Variants in GPR63 observed in about 807,000 individuals in gnomAD.
The protein encoded by GPR63 is G protein-coupled receptor 63.
A neutral mutation model predicts 23.1 loss-of-function variants in GPR63; 12 were observed. That is an observed-to-expected ratio of 0.52 (90% CI 0.33 to 0.84). The LOEUF is 0.84. GPR63 is among the 40% of genes least tolerant of loss of function. The pLI, the probability that GPR63 is intolerant of heterozygous loss-of-function variation, is 0.02. For synonymous variants in GPR63, 172 were observed against 191.1 expected (o/e 0.90, Z 0.82); for missense variants, 472 against 515.6 (o/e 0.92, Z 0.82).
intron 1 of GPR63, among the ~76,000 whole-genome samples, chr6:96,825,256 T>C (rs946824509): frequency 1.3e-5 from 2 of 152,122 alleles, no homozygotes; most frequent in Non-Finnish European, 2.9e-5. Context: ...GTTTGTATAA[T>C]AGGTAATGAA....
In GPR63 at chr6:96,799,090, G is replaced by A. The variant is rs548698643; in HGVS notation, c.642C>T (p.Ala214=). The A allele has an allele frequency of 4.8e-5, 78 of 1,613,976 alleles. No homozygotes were observed. The highest frequency in any genetic ancestry group is 6.7e-5 in the African/African-American group (5 of 74,894). ...ATSFCVAFPL[A]VGNPDLQIPS... ...GTATCTGCAGGTCGGGGTTTCCTAC[G>A]GCTAAAGGAAAAGCTACACAAAAGG... is the stretch of plus-strand genomic sequence containing the variant. The change falls in exon 2 of 2, where the codon GCC becomes GCT. Residue 214 remains alanine, a synonymous_variant. Coordinates refer to ENST00000229955, the MANE Select transcript of GPR63 (RefSeq NM_030784.4).
At chr6:96,829,804 C>T (rs1774533453) in intron 1 of GPR63, among the ~76,000 whole-genome samples, 1 of 151,976 alleles carries the variant, frequency 6.6e-6, no homozygotes, top group African/African-American at 2.4e-5. Flanking sequence ...GAGCTAAGCA[C>T]TCAACCTAAA....
intron 1 of GPR63, among the ~76,000 whole-genome samples, chr6:96,810,679 T>C (rs534916325): frequency 1.3e-5 from 2 of 151,976 alleles, no homozygotes; most frequent in African/African-American, 4.8e-5. Context: ...CCCATTGTTA[T>C]GTATGTATGT....
intron 1 of GPR63, among the ~76,000 whole-genome samples, chr6:96,832,085 CT>C (rs1303534232): frequency 6.6e-6 from 1 of 151,398 alleles, no homozygotes; most frequent in Non-Finnish European, 1.5e-5. Context: ...AGTGGTTCAT[CT>C]TTACACGAAA....
chr6:96,801,190 C>T (rs1338796987), intron 1 of GPR63, among the ~76,000 whole-genome samples: 1 of 151,106 alleles, frequency 6.6e-6, no homozygotes, highest in Admixed American at 6.6e-5. Flanking sequence ...CTCATTATTT[C>T]GACTTAGAAT....
At chr6:96,836,477 A>G (rs1052748866) in intron 1 of GPR63, among the ~76,000 whole-genome samples, 1 of 152,150 alleles carries the variant, frequency 6.6e-6, no homozygotes, top group Non-Finnish European at 1.5e-5. Flanking sequence ...AAAAACCTGC[A>G]TGCTACTATA....
chr6:96,810,101 G>A (rs957242489), intron 1 of GPR63, among the ~76,000 whole-genome samples: 1 of 152,086 alleles, frequency 6.6e-6, no homozygotes, highest in African/African-American at 2.4e-5. Flanking sequence ...AGAATTCTAC[G>A]TGATAAAAAC....
At chr6:96,800,217 C>T (rs541215524) in intron 1 of GPR63, among the ~76,000 whole-genome samples, 1 of 152,094 alleles carries the variant, frequency 6.6e-6, no homozygotes, top group Non-Finnish European at 1.5e-5. Flanking sequence ...TTTTAATTTT[C>T]ATGCTTTGCT....
At chr6:96,833,951 A>G (rs1774656227) in intron 1 of GPR63, among the ~76,000 whole-genome samples, 1 of 152,118 alleles carries the variant, frequency 6.6e-6, no homozygotes, top group African/African-American at 2.4e-5. Context: ...CAAATATACC[A>G]TCTATTCCCC....
chr6:96,829,451 G>A (rs1188170818), intron 1 of GPR63, among the ~76,000 whole-genome samples: 2 of 152,182 alleles, frequency 1.3e-5, no homozygotes, highest in East Asian at 1.9e-4. Flanking sequence ...CCCACACTTT[G>A]AGAAGCTAAA....
intron 1 of GPR63, among the ~76,000 whole-genome samples, chr6:96,824,016 T>A (rs963453282): frequency 6.6e-6 from 1 of 151,178 alleles, no homozygotes; most frequent in Admixed American, 6.6e-5. Context: ...TGTACATGTT[T>A]TCTTATAACA....
intron 1 of GPR63, among the ~76,000 whole-genome samples, chr6:96,822,520 T>G (rs1774339787): frequency 1.3e-5 from 2 of 152,224 alleles, no homozygotes; most frequent in South Asian, 4.1e-4. Context: ...TTACCTTCAC[T>G]TGCCATCTTT....
intron 1 of GPR63, among the ~76,000 whole-genome samples, chr6:96,810,461 C>G (rs1447915995): frequency 1.3e-5 from 2 of 150,540 alleles, no homozygotes. Context: ...TGCCACTGCA[C>G]TCCAGCGCAG....
chr6:96,823,605 G>A (rs1562124096), intron 1 of GPR63, among the ~76,000 whole-genome samples: 2 of 152,058 alleles, frequency 1.3e-5, no homozygotes, highest in Non-Finnish European at 2.9e-5. Context: ...AATAAATTTA[G>A]TGTTACCTAG....
In GPR63 at chr6:96,808,005, G is replaced by A. The variant is rs140647431; in HGVS notation, c.-150-8124C>T. 2.3e-3 allele frequency among the ~76,000 whole-genome samples: 355 copies of A among 152,258 alleles called. 2 individuals are homozygous for A. The highest frequency in any genetic ancestry group is 8.0e-3 in the African/African-American group (334 of 41,548). The stretch of plus-strand genomic sequence containing the variant: ...CAGGAAGTGTGTTCTTAGCCACTAC[G>A]CTATGCTGTAAAACAGAGAATACAA... On this transcript the variant is annotated intron_variant, in intron 1 of 1. Transcript: ENST00000229955.
rs1226123338 is a variant in GPR63 at position 96,796,627 on chromosome 6, G to C, written c.*1845C>G. Reference sequence around the variant, plus strand: ...AAAACTTGTTCTAGGCTCAGACGAGGGTTCATTTTCCCTTCTTTGTAGGAG... The same window carrying C: ...AAAACTTGTTCTAGGCTCAGACGAGCGTTCATTTTCCCTTCTTTGTAGGAG... On this transcript the variant is annotated 3_prime_UTR_variant, in exon 2 of 2. Coordinates refer to ENST00000229955, the MANE Select transcript of GPR63 (RefSeq NM_030784.4). The C allele has an allele frequency of 6.6e-6, 1 of 152,170 alleles. No individual in the cohort carries two copies. Among genetic ancestry groups the C allele is most frequent in the Non-Finnish European group, 1.5e-5 (1 of 68,036 alleles). The allele number at this position is 152,170 out of a possible 1,614,324, so 9.4% of individuals were successfully genotyped here.
chr6:96,805,591 A>T (rs1034804168), intron 1 of GPR63, among the ~76,000 whole-genome samples: 2 of 152,206 alleles, frequency 1.3e-5, no homozygotes, highest in Non-Finnish European at 2.9e-5. Flanking sequence ...CACTCATCCC[A>T]GAACTCATGC....
At chr6:96,808,856 T>TG (rs1773967890) in intron 1 of GPR63, among the ~76,000 whole-genome samples, 1 of 152,140 alleles carries the variant, frequency 6.6e-6, no homozygotes, top group Admixed American at 6.6e-5. Context: ...ACATGTGCCA[T>TG]GCTGGTGTGC....
intron 1 of GPR63, among the ~76,000 whole-genome samples, chr6:96,811,646 T>A (rs926965671): frequency 6.6e-6 from 1 of 152,122 alleles, no homozygotes; most frequent in East Asian, 1.9e-4. Context: ...AAGAAAAAAG[T>A]GTATCACATA....
Sources: allele counts gnomAD v4.1 joint callset (sites outside exome capture counted in the v4.1 genomes callset), GRCh38; gene constraint gnomAD v4.1.1; transcripts MANE v1.5; gene names NCBI Gene and HGNC (gene_info 2026-07-23, HGNC 2026-07-21).